Variants in ECT2 observed in about 807,000 individuals in gnomAD.
ECT2 encodes the protein protein ECT2.
A neutral mutation model predicts 116.9 loss-of-function variants in ECT2; 61 were observed. That is an observed-to-expected ratio of 0.52 (90% CI 0.42 to 0.65). The LOEUF (loss-of-function observed/expected upper bound fraction) is 0.65. Ranked by LOEUF, ECT2 falls within the 30% of genes least tolerant of loss-of-function variation. ECT2 has a pLI of 0.00. For missense variants in ECT2, 937 were observed against 1,078.7 expected (o/e 0.87, Z 1.84); for synonymous variants, 358 against 346.4 (o/e 1.03, Z -0.37).
chr3:172,760,274 T>G lies in ECT2; in HGVS notation c.684+11T>G. 6.4e-7 allele frequency: 1 copy of G among 1,554,742 alleles called. No individual in the cohort carries two copies. The highest frequency in any genetic ancestry group is 1.7e-5 in the Admixed American group (1 of 58,822). ...GGAGAAAAATTCAGGGTATGTAAAC[T>G]TGGGTATTTTTGTGTATTTCAATAC... On this transcript the variant is annotated intron_variant, in intron 7 of 24. Transcript: ENST00000392692.
intron 12 of ECT2, among the ~76,000 whole-genome samples, chr3:172,766,618 TA>T (rs1343825496): frequency 1.1e-4 from 16 of 151,916 alleles, no homozygotes; most frequent in Non-Finnish European, 1.2e-4. Context: ...AGGGAGGAAA[TA>T]AAAAGAGATG....
At chr3:172,806,655 T>G (rs1313225144) in intron 21 of ECT2, among the ~76,000 whole-genome samples, 16 of 107,368 alleles carry the variant, frequency 1.5e-4, no homozygotes, top group African/African-American at 3.1e-4. Context: ...TTGTGGGTTT[T>G]TTTTTTTTTT....
chr3:172,755,434 A>G (rs1275335010), intron 3 of ECT2, 49 bp from the exon 4 acceptor site: 1 of 1,536,992 alleles, frequency 6.5e-7, no homozygotes, highest in Non-Finnish European at 8.8e-7. Flanking sequence ...TCAGTGTGTA[A>G]ATAGTTTCAT....
chr3:172,798,566 GATA>G (rs1355806843), intron 18 of ECT2, among the ~76,000 whole-genome samples: 2 of 152,120 alleles, frequency 1.3e-5, no homozygotes, highest in Non-Finnish European at 2.9e-5. Flanking sequence ...AACTGATGAA[GATA>G]ATGTTTTAAT....
intron 18 of ECT2, among the ~76,000 whole-genome samples, chr3:172,797,476 C>T (rs1225145862): frequency 6.6e-6 from 1 of 152,138 alleles, no homozygotes; most frequent in African/African-American, 2.4e-5. Context: ...TAACTGTTTT[C>T]TGTGGTTCTA....
chr3:172,786,663 T>C, intron 18 of ECT2, 89 bp downstream of exon 18: 1 of 855,780 alleles, frequency 1.2e-6, no homozygotes, highest in African/African-American at 1.7e-5. Flanking sequence ...AAAATATCAA[T>C]AGCAAATTTT....
chr3:172,819,435 G>T (rs1730355525), intron 24 of ECT2, among the ~76,000 whole-genome samples: 1 of 151,844 alleles, frequency 6.6e-6, no homozygotes, highest in Non-Finnish European at 1.5e-5. Flanking sequence ...GTAAAACTTA[G>T]CAATTTAATA....
intron 13 of ECT2, among the ~76,000 whole-genome samples, chr3:172,770,546 C>T (rs1483148855): frequency 6.6e-6 from 1 of 152,042 alleles, no homozygotes; most frequent in Admixed American, 6.5e-5. Flanking sequence ...TGCTATGTTG[C>T]CCAGGCTGGT....
At chr3:172,780,722 C>CTTT (rs1342676713) in intron 14 of ECT2, among the ~76,000 whole-genome samples, 1 of 151,416 alleles carries the variant, frequency 6.6e-6, no homozygotes, top group South Asian at 2.1e-4. Flanking sequence ...AAACACTTAT[C>CTTT]TTTTTTTTTC....
rs750454439 is a variant in ECT2, at chr3:172,802,851, A to C, written c.1987-10A>C. Reference sequence around the variant, plus strand: ...AGTGATCTCTTTTGTTATATTTTCAACCTATACAGGCTAATCTTTTATCTT... The same window carrying C: ...AGTGATCTCTTTTGTTATATTTTCACCCTATACAGGCTAATCTTTTATCTT... On this transcript the variant is annotated splice_polypyrimidine_tract_variant and intron_variant, in intron 19 of 24. Coordinates refer to ENST00000392692, the MANE Select transcript of ECT2 (RefSeq NM_001258315.2). 3.7e-6 allele frequency: 6 copies of C among 1,602,580 alleles called. No homozygotes were observed. Among genetic ancestry groups the C allele is most frequent in the Non-Finnish European group, 5.1e-6 (6 of 1,176,718 alleles).
At position 172,821,204 on chromosome 3, in the gene ECT2, A is replaced by G. The variant is rs142839371; in HGVS notation, c.*967A>G. 1 of 151,954 alleles carries G rather than the reference A, an allele frequency of 6.6e-6. No homozygotes were observed. Among genetic ancestry groups the G allele is most frequent in the South Asian group, 2.1e-4 (1 of 4,832 alleles). 9.4% of individuals were successfully genotyped at this position (151,954 alleles called of 1,614,324 possible). On this transcript the variant is annotated 3_prime_UTR_variant, in exon 25 of 25. Transcript: ENST00000392692. ...AATTCATTTGCTGTTTCAAAGTGTGATATCTTTCACAATAGCCTTTTTATA... is the reference window on the plus strand; with the variant it reads ...AATTCATTTGCTGTTTCAAAGTGTGGTATCTTTCACAATAGCCTTTTTATA...
intron 18 of ECT2, among the ~76,000 whole-genome samples, chr3:172,800,319 A>G (rs1219970150): frequency 6.6e-6 from 1 of 152,230 alleles, no homozygotes; most frequent in Non-Finnish European, 1.5e-5. Flanking sequence ...TAGTTGCTAA[A>G]GCAACCTGCT....
At chr3:172,762,303 T>G (rs1718456943) in intron 8 of ECT2, 113 bp from the exon 9 acceptor site, 2 of 1,132,754 alleles carry the variant, frequency 1.8e-6, no homozygotes, top group Non-Finnish European at 2.5e-6. Flanking sequence ...TTAAATAGTT[T>G]CAATAGATAG....
At chr3:172,801,840 A>G (rs1346778636) in intron 18 of ECT2, among the ~76,000 whole-genome samples, 1 of 152,248 alleles carries the variant, frequency 6.6e-6, no homozygotes, top group Non-Finnish European at 1.5e-5. Context: ...TTTCAGTCAG[A>G]AAAGTAAATT....
Position 172,802,629 on chromosome 3 carries a change from G to GA in ECT2, c.1922dup (p.Asp641GlufsTer2), listed in dbSNP as rs1184672949. 1 of 1,588,890 alleles carries GA rather than the reference G, an allele frequency of 6.3e-7. No homozygotes were observed. Among genetic ancestry groups the GA allele is most frequent in the African/African-American group, 1.4e-5 (1 of 73,936 alleles). Reference sequence around the variant, plus strand: ...ACTATTTTTCAGGCATATTAATGAGGATAAGAGAAAAACAGAAGCTCAAAA... The same window carrying GA: ...ACTATTTTTCAGGCATATTAATGAGGAATAAGAGAAAAACAGAAGCTCAAAA... On this transcript the variant is annotated frameshift_variant, in exon 19 of 25. Transcript: ENST00000392692. LOFTEE classifies it high-confidence loss of function.
At chr3:172,824,147 TGTA>T (rs1730786096), downstream of ECT2, among the ~76,000 whole-genome samples, 1 of 152,232 alleles carries the variant, frequency 6.6e-6, no homozygotes, top group African/African-American at 2.4e-5. Flanking sequence ...CTTTAGATAT[TGTA>T]GTAAGCTCAC....
At chr3:172,753,928 C>T (rs745965584) in intron 1 of ECT2, among the ~76,000 whole-genome samples, 1 of 152,096 alleles carries the variant, frequency 6.6e-6, no homozygotes, top group Non-Finnish European at 1.5e-5. Flanking sequence ...GTGCATATTC[C>T]TGAAAACCAT....
chr3:172,805,186 CTTA>C (rs1232170765), intron 20 of ECT2, among the ~76,000 whole-genome samples: 3 of 150,344 alleles, frequency 2.0e-5, no homozygotes, highest in African/African-American at 7.5e-5. Flanking sequence ...TCTATGTTTT[CTTA>C]ATGACAGATT....
intron 4 of ECT2, among the ~76,000 whole-genome samples, chr3:172,756,456 C>T (rs1181428467): frequency 6.6e-6 from 1 of 152,126 alleles, no homozygotes; most frequent in Non-Finnish European, 1.5e-5. Context: ...ACATCTTTCT[C>T]ATATATCTTA....
Sources: allele counts gnomAD v4.1 joint callset (sites outside exome capture counted in the v4.1 genomes callset), GRCh38; gene constraint gnomAD v4.1.1; transcripts MANE v1.5; gene names NCBI Gene and HGNC (gene_info 2026-07-23, HGNC 2026-07-21).